C1orf21: variants seen among roughly 807,000 people sequenced by gnomAD.
The protein encoded by C1orf21 is uncharacterized protein C1orf21.
A neutral mutation model predicts 18.7 loss-of-function variants in C1orf21; 3 were observed. The observed-to-expected ratio is 0.16, with a 90% CI of 0.07 to 0.42. The LOEUF (loss-of-function observed/expected upper bound fraction) is 0.42, where lower values mean the gene tolerates loss of function less well. Among genes scored for constraint, C1orf21 ranks in the 10% least tolerant of loss-of-function variants. The probability of loss-of-function intolerance (pLI) is 0.99; values close to 1 mark genes in which losing one functional copy is unlikely to be tolerated. For missense variants in C1orf21, 104 were observed against 143.6 expected, an observed-to-expected ratio of 0.72 and a Z score of 1.41; for synonymous variants, 41 against 46.4, an observed-to-expected ratio of 0.88 and a Z score of 0.47.
At chr1:184,499,223 G>A (rs1571386909) in intron 2 of C1orf21, among the ~76,000 whole-genome samples, 1 of 151,876 alleles carries the variant, frequency 6.6e-6, no homozygotes, top group Non-Finnish European at 1.5e-5. Context: ...TTTATTGCTT[G>A]GCCTTAATGC....
Position 184,504,856 on chromosome 1 carries a change from G to A in C1orf21, c.95-2732G>A, listed in dbSNP as rs1465822038. Among the ~76,000 whole-genome samples, 3 of 152,284 alleles carry A rather than the reference G, an allele frequency of 2.0e-5. No homozygotes were observed. In the East Asian group the frequency reaches 5.8e-4, roughly 29 times the overall value. On this transcript the variant is annotated intron_variant, in intron 2 of 5. Coordinates refer to ENST00000235307, the MANE Select transcript of C1orf21 (RefSeq NM_030806.4). Reference sequence around the variant, plus strand: ...CTCTTAACACCACGTTGGCTAGCCAGCCAGGGTTGTTAATGACATGTTAAA... The same window carrying A: ...CTCTTAACACCACGTTGGCTAGCCAACCAGGGTTGTTAATGACATGTTAAA...
intron 1 of C1orf21, among the ~76,000 whole-genome samples, chr1:184,473,017 A>G (rs749658922): frequency 6.6e-6 from 1 of 152,256 alleles, no homozygotes; most frequent in Non-Finnish European, 1.5e-5. Flanking sequence ...CAATTAGGCT[A>G]GCTCATGGTA....
At chr1:184,475,212 C>T (rs1314776840) in intron 1 of C1orf21, among the ~76,000 whole-genome samples, 2 of 152,168 alleles carry the variant, frequency 1.3e-5, no homozygotes, top group African/African-American at 4.8e-5. Flanking sequence ...TATTTTCTCA[C>T]AGTGTGCTCT....
intron 1 of C1orf21, among the ~76,000 whole-genome samples, chr1:184,399,356 ATTTTTTTT>A (rs59376994): frequency 2.5e-5 from 2 of 79,082 alleles, no homozygotes; most frequent in Non-Finnish European, 5.2e-5. Context: ...ATGTACTTCT[ATTTTTTTT>A]TTTTTTTTTT....
intron 3 of C1orf21, among the ~76,000 whole-genome samples, chr1:184,538,407 C>A (rs1344882681): frequency 6.6e-6 from 1 of 152,090 alleles, no homozygotes; most frequent in Non-Finnish European, 1.5e-5. Context: ...CTTTCTCATT[C>A]CGTAGGTTGC....
intron 1 of C1orf21, among the ~76,000 whole-genome samples, chr1:184,421,296 G>A (rs114069928): frequency 6.6e-6 from 1 of 152,060 alleles, no homozygotes; most frequent in Non-Finnish European, 1.5e-5. Flanking sequence ...GTAGAAATGG[G>A]GGTCTCACTG....
chr1:184,463,775 T>G (rs1158832924), intron 1 of C1orf21, among the ~76,000 whole-genome samples: 3 of 152,206 alleles, frequency 2.0e-5, no homozygotes, highest in Non-Finnish European at 2.9e-5. Flanking sequence ...TGGGCCAGGT[T>G]GGACTGAGAT....
chr1:184,541,387 G>A (rs1658648092), intron 3 of C1orf21, among the ~76,000 whole-genome samples: 1 of 151,986 alleles, frequency 6.6e-6, no homozygotes, highest in Non-Finnish European at 1.5e-5. Context: ...ATACTTTCTT[G>A]TCATCATTAG....
Position 184,495,898 on chromosome 1 carries a change from A to T in C1orf21, c.95-11690A>T, listed in dbSNP as rs565503582. On this transcript the variant is annotated intron_variant, in intron 2 of 5. Transcript: ENST00000235307. ...GTGCCACTGCACTCCAGCCTGGGTG[A>T]CAGAGTGAGACTCTGTCTCAAAAAA... Among the ~76,000 whole-genome samples, 5 of 147,056 alleles carry T rather than the reference A, an allele frequency of 3.4e-5. No homozygotes were observed. The South Asian group carries it at 8.9e-4, about 26-fold the overall frequency.
At chr1:184,613,151 T>C (rs901369711) in intron 5 of C1orf21, among the ~76,000 whole-genome samples, 16 of 152,198 alleles carry the variant, frequency 1.1e-4, no homozygotes, top group South Asian at 2.1e-4. Context: ...GGTTTCACCA[T>C]GTTGGTCAGG....
At chr1:184,573,611 A>G (rs1467553688) in intron 3 of C1orf21, among the ~76,000 whole-genome samples, 1 of 152,258 alleles carries the variant, frequency 6.6e-6, no homozygotes, top group African/African-American at 2.4e-5. Context: ...GTAAAATTAA[A>G]TAAGTGCTGG....
intron 3 of C1orf21, among the ~76,000 whole-genome samples, chr1:184,588,671 G>A (rs1413755583): frequency 1.3e-5 from 2 of 152,132 alleles, no homozygotes; most frequent in Non-Finnish European, 2.9e-5. Context: ...ATTAGTGAAT[G>A]TTAAAATGAA....
intron 1 of C1orf21, among the ~76,000 whole-genome samples, chr1:184,416,182 GT>G (rs900030094): frequency 3.3e-5 from 5 of 151,766 alleles, no homozygotes; most frequent in African/African-American, 1.2e-4. Flanking sequence ...CTCCATAAAT[GT>G]TTTTTTTGGA....
intron 1 of C1orf21, among the ~76,000 whole-genome samples, chr1:184,442,811 C>T (rs1656968579): frequency 6.6e-6 from 1 of 151,946 alleles, no homozygotes; most frequent in South Asian, 2.1e-4. Context: ...ATAAAAAATT[C>T]TAAATCAAAG....
At chr1:184,500,257 G>A (rs1657956229) in intron 2 of C1orf21, among the ~76,000 whole-genome samples, 2 of 152,106 alleles carry the variant, frequency 1.3e-5, no homozygotes, top group African/African-American at 2.4e-5. Flanking sequence ...GAATGTTCCA[G>A]GGCCCTTAAT....
chr1:184,410,617 TTATA>T lies in C1orf21; in HGVS notation c.-125+23293_-125+23296del, dbSNP rs1162356586. ...GTGAAAGATTAATTTGCCATATATA[TTATA>T]TATATATATATATATATATATATAT... On this transcript the variant is annotated intron_variant, in intron 1 of 5. Coordinates refer to ENST00000235307, the MANE Select transcript of C1orf21 (RefSeq NM_030806.4). Among the ~76,000 whole-genome samples, 84 of 21,150 alleles carry T rather than the reference TTATA, an allele frequency of 4.0e-3. 2 individuals carry two copies. Among genetic ancestry groups the T allele is most frequent in the Non-Finnish European group, 4.5e-3 (66 of 14,548 alleles). 13.9% of individuals were successfully genotyped at this position (21,150 alleles called of 152,430 possible).
intron 3 of C1orf21, among the ~76,000 whole-genome samples, chr1:184,588,008 A>T (rs894276456): frequency 1.3e-5 from 2 of 152,244 alleles, no homozygotes; most frequent in Non-Finnish European, 2.9e-5. Flanking sequence ...GGAAGTATGC[A>T]TAAAGCATTT....
chr1:184,498,406 C>G (rs1657925651), intron 2 of C1orf21, among the ~76,000 whole-genome samples: 1 of 152,200 alleles, frequency 6.6e-6, no homozygotes, highest in Non-Finnish European at 1.5e-5. Flanking sequence ...CTCTCTCTCA[C>G]CTTTGGCCAA....
chr1:184,523,797 T>G (rs1263257703), intron 3 of C1orf21, among the ~76,000 whole-genome samples: 1 of 152,182 alleles, frequency 6.6e-6, no homozygotes, highest in Non-Finnish European at 1.5e-5. Flanking sequence ...TGAAATGCCA[T>G]TTGAATATGC....
Sources: allele counts gnomAD v4.1 joint callset (sites outside exome capture counted in the v4.1 genomes callset), GRCh38; gene constraint gnomAD v4.1.1; transcripts MANE v1.5; gene names NCBI Gene and HGNC (gene_info 2026-07-23, HGNC 2026-07-21).